Variants in ST3GAL4 observed in about 807,000 individuals in gnomAD.
ST3GAL4 encodes the protein ST3 beta-galactoside alpha-2,3-sialyltransferase 4.
Under a neutral mutation model 42.6 loss-of-function variants are expected in ST3GAL4, and 24 were observed. That is an observed-to-expected ratio of 0.56 (90% CI 0.41 to 0.79). The LOEUF (loss-of-function observed/expected upper bound fraction) is 0.79, where lower values mean the gene tolerates loss of function less well. Among genes scored for constraint, ST3GAL4 ranks in the 30% least tolerant of loss-of-function variants. The pLI is 0.00. For missense variants in ST3GAL4, 311 were observed against 430.8 expected, an observed-to-expected ratio of 0.72 and a Z score of 2.46; for synonymous variants, 135 against 163.2, an observed-to-expected ratio of 0.83 and a Z score of 1.32.
At chr11:126,389,945 G>A (rs183151704) in intron 1 of ST3GAL4, among the ~76,000 whole-genome samples, 112 of 149,920 alleles carry the variant, frequency 7.5e-4, no homozygotes, top group African/African-American at 2.4e-3. Flanking sequence ...AGGCCGAGGC[G>A]GGTGAATCAC....
rs1954456249 is a variant in ST3GAL4, at chr11:126,410,148, C to T, written c.771+737C>T. On this transcript the variant is annotated intron_variant, in intron 9 of 10. Transcript: ENST00000444328. The surrounding 1 kb of genome is among the most constrained non-coding windows in gnomAD (Gnocchi z 5.3). ...TCCTGAACTCCTGGCCTCAAGTGAT[C>T]CTCGTGTCTCAGCCTCCCAAAATGC... 6.6e-6 allele frequency among the ~76,000 whole-genome samples: 1 copy of T among 152,168 alleles called. No homozygotes were observed. Among genetic ancestry groups the T allele is most frequent in the Non-Finnish European group, 1.5e-5 (1 of 68,026 alleles).
At chr11:126,357,541 C>T (rs997271140) in intron 1 of ST3GAL4, among the ~76,000 whole-genome samples, 21 of 152,140 alleles carry the variant, frequency 1.4e-4, no homozygotes, top group African/African-American at 5.1e-4. Context: ...CAGTGACTGG[C>T]CCTCTGCTTC....
chr11:126,382,724 G>A (rs1387531261), intron 1 of ST3GAL4, among the ~76,000 whole-genome samples: 3 of 152,196 alleles, frequency 2.0e-5, no homozygotes, highest in South Asian at 2.1e-4. Flanking sequence ...TGTGTGCAGA[G>A]GTGGGTGTGG....
At chr11:126,375,484 G>T (rs1453629956) in intron 1 of ST3GAL4, among the ~76,000 whole-genome samples, 4 of 152,122 alleles carry the variant, frequency 2.6e-5, no homozygotes, top group Admixed American at 2.6e-4. Context: ...GGATGTGGGG[G>T]TTCTGGCTGA....
rs750993800 is a variant in ST3GAL4, at chr11:126,406,489, C to T, written c.33C>T (p.Ala11=). ...GTCCTGCAGGCTGGAAGCTCCTGGC[C>T]ATGTTGGCTCTGGTCCTGGTCGTCA... is the stretch of plus-strand genomic sequence containing the variant. MVSKSRWKLL[A]MLALVLVVMV... Residue 11 remains alanine, a synonymous_variant, in exon 3 of 11, where the codon GCC becomes GCT. Transcript: ENST00000444328. This position sits in a 1 kb window ranked among gnomAD's most constrained non-coding sequence, Gnocchi z 5.4. The T allele has an allele frequency of 3.8e-5, 62 of 1,614,054 alleles. No individual in the cohort carries two copies. The highest frequency in any genetic ancestry group is 4.8e-5 in the Non-Finnish European group (57 of 1,180,034).
chr11:126,407,309 G>T lies in ST3GAL4; in HGVS notation c.240G>T (p.Thr80=). The part of the protein sequence containing the change: ...LRLEDYFWVK[T]PSAYELPYGT... Reference sequence around the variant, plus strand: ...TTGAGGATTATTTCTGGGTCAAGACGCCATCTGCTTACGAGCTGCCCTATG... The same window carrying T: ...TTGAGGATTATTTCTGGGTCAAGACTCCATCTGCTTACGAGCTGCCCTATG... The change falls in exon 5 of 11, where the codon ACG becomes ACT. Residue 80 remains threonine (T), a synonymous_variant. Transcript: ENST00000444328. 6.2e-7 allele frequency: 1 copy of T among 1,614,186 alleles called. No individual in the cohort carries two copies. The highest frequency in any genetic ancestry group is 1.1e-5 in the South Asian group (1 of 91,082).
intron 1 of ST3GAL4, among the ~76,000 whole-genome samples, chr11:126,368,396 G>A (rs1186799340): frequency 6.6e-6 from 1 of 152,188 alleles, no homozygotes; most frequent in Non-Finnish European, 1.5e-5. Flanking sequence ...GCTCGCAGTC[G>A]GCCCTCAGGC....
chr11:126,397,853 A>G lies in ST3GAL4; in HGVS notation c.-60-8243A>G, dbSNP rs979590816. ...CTCCTGTAATAATGGCATTAAACCC[A>G]TTCATGAGAACAGAGCCCTTGACCC... On this transcript the variant is annotated intron_variant, in intron 1 of 10. Coordinates refer to ENST00000444328, the MANE Select transcript of ST3GAL4 (RefSeq NM_001254757.2). This position sits in a 1 kb window ranked among gnomAD's most constrained non-coding sequence, Gnocchi z 5.0. Among the ~76,000 whole-genome samples the G allele has an allele frequency of 6.6e-6, 1 of 152,138 alleles. No homozygotes were observed. The highest frequency in any genetic ancestry group is 1.5e-5 in the Non-Finnish European group (1 of 68,014).
chr11:126,376,178 G>T lies in ST3GAL4; in HGVS notation c.-61+20336G>T, dbSNP rs1952828139. Among the ~76,000 whole-genome samples the T allele has an allele frequency of 6.6e-6, 1 of 152,088 alleles. No homozygotes were observed. The highest frequency in any genetic ancestry group is 6.6e-5 in the Admixed American group (1 of 15,256). On this transcript the variant is annotated intron_variant, in intron 1 of 10. Transcript: ENST00000444328. The surrounding 1 kb of genome is among the most constrained non-coding windows in gnomAD (Gnocchi z 5.1). ...ATTCTATAGTAAGTTACTCCGATTG[G>T]CTTTTGGTATTAAAATGTCTTCAGT...
In ST3GAL4 at chr11:126,409,678, G is replaced by A. The variant is rs533317518; in HGVS notation, c.771+267G>A. Among the ~76,000 whole-genome samples the A allele has an allele frequency of 1.3e-5, 2 of 152,290 alleles. No individual in the cohort carries two copies. Among genetic ancestry groups the A allele is most frequent in the African/African-American group, 4.8e-5 (2 of 41,570 alleles). ...GTGTGAGAGGATGGTTTTGGCAGGCGCTGGTCAGAATTTGTCAACTGGGGA... is the reference window on the plus strand; with the variant it reads ...GTGTGAGAGGATGGTTTTGGCAGGCACTGGTCAGAATTTGTCAACTGGGGA... On this transcript the variant is annotated intron_variant, in intron 9 of 10. Transcript: ENST00000444328. This position sits in a 1 kb window ranked among gnomAD's most constrained non-coding sequence, Gnocchi z 4.9.
rs1334903811 is a variant in ST3GAL4, at chr11:126,383,334, T to G, written c.-60-22762T>G. ...TCCCTGCCCCTTAGAGGCTCTGGGC[T>G]GCCTGGTGACAGCTTCGGGGACCTG... On this transcript the variant is annotated intron_variant, in intron 1 of 10. Transcript: ENST00000444328. This position sits in a 1 kb window ranked among gnomAD's most constrained non-coding sequence, Gnocchi z 4.5. Among the ~76,000 whole-genome samples, 1 of 152,190 alleles carries G rather than the reference T, an allele frequency of 6.6e-6. No individual in the cohort carries two copies. Among genetic ancestry groups the G allele is most frequent in the Non-Finnish European group, 1.5e-5 (1 of 68,016 alleles).
intron 8 of ST3GAL4, chr11:126,408,938 G>C: frequency 2.4e-6 from 1 of 421,900 alleles, no homozygotes. Flanking sequence ...TGTCCCATCT[G>C]GCATTTTTGT....
chr11:126,358,159 A>G (rs1312543692), intron 1 of ST3GAL4, among the ~76,000 whole-genome samples: 3 of 152,200 alleles, frequency 2.0e-5, no homozygotes, highest in Non-Finnish European at 2.9e-5. Context: ...GCAGGGTGGG[A>G]CACCCCGAGC....
At position 126,400,062 on chromosome 11, in the gene ST3GAL4, T is replaced by C. The variant is rs1953939062; in HGVS notation, c.-60-6034T>C. Among the ~76,000 whole-genome samples the C allele has an allele frequency of 6.6e-6, 1 of 152,092 alleles. No individual in the cohort carries two copies. Among genetic ancestry groups the C allele is most frequent in the Non-Finnish European group, 1.5e-5 (1 of 68,006 alleles). On this transcript the variant is annotated intron_variant, in intron 1 of 10. Transcript: ENST00000444328. The surrounding 1 kb of genome is among the most constrained non-coding windows in gnomAD (Gnocchi z 4.6). The stretch of plus-strand genomic sequence containing the variant: ...TCTTCCTTTCCCTCCCCTCCCCTGC[T>C]TTCCTCTCCCCTCTCCACTTCTTGG...
In ST3GAL4 at chr11:126,391,823, A is replaced by G. The variant is rs775736904; in HGVS notation, c.-60-14273A>G. ...TCTGGGGAGGGCAGAACCCAGCGTC[A>G]CTGACACCCTCCAGATACAGAGTTC... On this transcript the variant is annotated intron_variant, in intron 1 of 10. Transcript: ENST00000444328. This position sits in a 1 kb window ranked among gnomAD's most constrained non-coding sequence, Gnocchi z 5.5. 3.9e-5 allele frequency among the ~76,000 whole-genome samples: 6 copies of G among 152,060 alleles called. No individual in the cohort carries two copies. Among genetic ancestry groups the G allele is most frequent in the Non-Finnish European group, 8.8e-5 (6 of 68,010 alleles).
Position 126,366,146 on chromosome 11 carries a change from T to C in ST3GAL4, c.-61+10304T>C, listed in dbSNP as rs189346807. Among the ~76,000 whole-genome samples, 147 of 152,282 alleles carry C rather than the reference T, an allele frequency of 9.7e-4. 1 individual carries two copies. The East Asian group carries it at 0.024, about 25-fold the overall frequency. ...TTAGAGGCTCCGGGCTGCCTGGTGA[T>C]AGCTCCCAGGGACCTGCAAGCTGAC... On this transcript the variant is annotated intron_variant, in intron 1 of 10. Transcript: ENST00000444328. The surrounding 1 kb of genome is among the most constrained non-coding windows in gnomAD (Gnocchi z 4.2).
intron 1 of ST3GAL4, among the ~76,000 whole-genome samples, chr11:126,369,537 G>A (rs1952562133): frequency 6.6e-6 from 1 of 152,096 alleles, no homozygotes; most frequent in Admixed American, 6.5e-5. Context: ...ATGAGCCACC[G>A]TGCTGGCTGA....
At position 126,386,725 on chromosome 11, in the gene ST3GAL4, G is replaced by A. The variant is rs537027601; in HGVS notation, c.-60-19371G>A. Among the ~76,000 whole-genome samples the A allele has an allele frequency of 1.0e-3, 159 of 152,298 alleles. No individual in the cohort carries two copies. Among genetic ancestry groups the A allele is most frequent in the African/African-American group, 3.5e-3 (147 of 41,564 alleles). On this transcript the variant is annotated intron_variant, in intron 1 of 10. Transcript: ENST00000444328. This position sits in a 1 kb window ranked among gnomAD's most constrained non-coding sequence, Gnocchi z 4.7. The stretch of plus-strand genomic sequence containing the variant: ...TGGAGAAAGACAAACACCGGTGGGT[G>A]GCTCTGCCAGCTTCCCCTGGGGTGC...
In ST3GAL4 at chr11:126,366,349, G is replaced by A. The variant is rs182140835; in HGVS notation, c.-61+10507G>A. 5.3e-5 allele frequency among the ~76,000 whole-genome samples: 8 copies of A among 152,302 alleles called. No homozygotes were observed. The highest frequency in any genetic ancestry group is 8.8e-5 in the Non-Finnish European group (6 of 68,020). On this transcript the variant is annotated intron_variant, in intron 1 of 10. Transcript: ENST00000444328. This position sits in a 1 kb window ranked among gnomAD's most constrained non-coding sequence, Gnocchi z 4.2. ...CCCTGGAAGCTGTATGTGGGCATGGGGTGGTGGGGGCGTGCAGAGAGGAGG... is the reference window on the plus strand; with the variant it reads ...CCCTGGAAGCTGTATGTGGGCATGGAGTGGTGGGGGCGTGCAGAGAGGAGG...
Sources: gnomAD v4.1 joint callset for allele counts (sites outside exome capture counted in the v4.1 genomes callset) on GRCh38, gnomAD v4.1.1 for gene constraint, Gnocchi (gnomAD v3.1) non-coding constraint, MANE v1.5 for transcripts, NCBI Gene and HGNC (gene_info 2026-07-23, HGNC 2026-07-21) for gene names.